GATA4: variants seen among roughly 807,000 people sequenced by gnomAD.
The protein encoded by GATA4 is transcription factor GATA-4.
In GATA4, 7 loss-of-function variants were observed where a neutral mutation model predicts 37.9. That is an observed-to-expected ratio of 0.18 (90% CI 0.11 to 0.35). The LOEUF (loss-of-function observed/expected upper bound fraction) is 0.35, where lower values mean the gene tolerates loss of function less well. GATA4 is among the 10% of genes least tolerant of loss of function. The pLI, the probability that GATA4 is intolerant of heterozygous loss-of-function variation, is 1.00. For missense variants in GATA4, 647 were observed against 653.0 expected, an observed-to-expected ratio of 0.99 and a Z score of 0.10; for synonymous variants, 372 against 292.6, an observed-to-expected ratio of 1.27 and a Z score of -2.77.
intron 1 of GATA4, among the ~76,000 whole-genome samples, chr8:11,684,285 G>C (rs1799070173): frequency 6.6e-6 from 1 of 152,228 alleles, no homozygotes; most frequent in African/African-American, 2.4e-5. Context: ...CTAGATTCTA[G>C]ATTCTAGTTC....
At chr8:11,689,090 C>G (rs1388600231), upstream of GATA4, among the ~76,000 whole-genome samples, 2 of 152,172 alleles carry the variant, frequency 1.3e-5, no homozygotes, top group African/African-American at 4.8e-5. Flanking sequence ...CGACTTTGCT[C>G]TTAGCTGCCC....
chr8:11,696,476 T>C (rs1484121766), intron 1 of GATA4, among the ~76,000 whole-genome samples: 1 of 152,254 alleles, frequency 6.6e-6, no homozygotes, highest in African/African-American at 2.4e-5. Context: ...TAGTATTCCA[T>C]TGTATGGATG....
In GATA4 at chr8:11,707,942, C is replaced by A. The variant is rs1243115546; in HGVS notation, c.-371C>A. ...GTGTCCTGGAGGCCTCTCGGTGTGA[C>A]GAGTGGGGGACCCGAAGGCTCGTGC... On this transcript the variant is annotated 5_prime_UTR_variant, in exon 2 of 7. Coordinates refer to ENST00000532059, the MANE Select transcript of GATA4 (RefSeq NM_001308093.3). The surrounding 1 kb of genome is among the most constrained non-coding windows in gnomAD (Gnocchi z 4.7). 3.0e-6 allele frequency: 1 copy of A among 328,366 alleles called. No individual in the cohort carries two copies. The highest frequency in any genetic ancestry group is 4.5e-5 in the Admixed American group (1 of 22,348). The allele number at this position is 328,366 out of a possible 1,614,324, so 20.3% of individuals were successfully genotyped here.
At chr8:11,680,686 C>G in intron 1 of GATA4, 1 of 985,334 alleles carries the variant, frequency 1.0e-6, no homozygotes, top group Non-Finnish European at 1.2e-6. Context: ...AGACCCCCCC[C>G]TTGGGGAGAC....
Position 11,758,383 on chromosome 8 carries a change from C to A in GATA4, c.1240C>A (p.Pro414Thr), listed in dbSNP as rs1217555878. The change falls in exon 7 of 7, where the codon CCC becomes ACC. Residue 414 changes from proline (P) to threonine (T), a missense_variant. Transcript: ENST00000532059. ...GCTCTCCCCACAAGGCTATGCGTCTCCCGTCAGCCAGTCTCCACAGACCAG... is the reference window on the plus strand; with the variant it reads ...GCTCTCCCCACAAGGCTATGCGTCTACCGTCAGCCAGTCTCCACAGACCAG... ...LKLSPQGYAS[P>T]VSQSPQTSSK... The A allele has an allele frequency of 1.9e-6, 3 of 1,614,224 alleles. No individual in the cohort carries two copies. The East Asian group carries it at 6.7e-5, about 36-fold the overall frequency.
chr8:11,692,651 T>A, exon 1 of GATA4: 1 of 983,728 alleles, frequency 1.0e-6, no homozygotes, highest in Non-Finnish European at 1.2e-6. Context: ...TCAGCCGACC[T>A]CCACCGCGGG....
Position 11,708,709 on chromosome 8 carries a change from A to G in GATA4, c.397A>G (p.Ser133Gly). 7.9e-7 allele frequency: 1 copy of G among 1,272,984 alleles called. No homozygotes were observed. The highest frequency in any genetic ancestry group is 9.8e-7 in the Non-Finnish European group (1 of 1,016,498). The allele number at this position is 1,272,984 out of a possible 1,614,324, so 78.9% of individuals were successfully genotyped here. Reference protein sequence around the residue: ...AAAAREAAAYSSGGGAAGAGL... With the variant: ...AAAAREAAAYGSGGGAAGAGL... Reference sequence around the variant, plus strand: ...CGCGGCCCGGGAAGCTGCGGCCTACAGCAGTGGCGGCGGAGCGGCGGGTGC... The same window carrying G: ...CGCGGCCCGGGAAGCTGCGGCCTACGGCAGTGGCGGCGGAGCGGCGGGTGC... Residue 133 changes from serine to glycine, a missense_variant, in exon 2 of 7, where the codon AGC (serine) becomes GGC (glycine). Around this residue, in one of 5 missense-constraint regions of GATA4, gnomAD observed 379 missense variants for 334.5 expected, o/e 1.13. Transcript: ENST00000532059. The surrounding 1 kb of genome is among the most constrained non-coding windows in gnomAD (Gnocchi z 6.7).
At chr8:11,728,800 T>G (rs1801065805) in intron 2 of GATA4, among the ~76,000 whole-genome samples, 1 of 152,224 alleles carries the variant, frequency 6.6e-6, no homozygotes, top group African/African-American at 2.4e-5. Context: ...GAATTTGCCT[T>G]CCTTCTCAGT....
intron 2 of GATA4, among the ~76,000 whole-genome samples, chr8:11,734,254 A>T (rs1801342163): frequency 6.6e-6 from 1 of 152,250 alleles, no homozygotes; most frequent in Non-Finnish European, 1.5e-5. Flanking sequence ...AACTGAAAAC[A>T]ATCTGAATAT....
At chr8:11,710,849 C>T (rs1800150533) in intron 2 of GATA4, among the ~76,000 whole-genome samples, 1 of 152,178 alleles carries the variant, frequency 6.6e-6, no homozygotes, top group African/African-American at 2.4e-5. Flanking sequence ...CCGCCGGGCG[C>T]GGTGTCTCAC....
chr8:11,699,727 C>T (rs538580110), upstream of GATA4, among the ~76,000 whole-genome samples: 13 of 152,376 alleles, frequency 8.5e-5, no homozygotes, highest in South Asian at 2.3e-3. Flanking sequence ...TGAAGAGCCC[C>T]TCCCTATTCA....
intron 2 of GATA4, among the ~76,000 whole-genome samples, chr8:11,727,341 G>A (rs1800975064): frequency 6.6e-6 from 1 of 152,150 alleles, no homozygotes; most frequent in African/African-American, 2.4e-5. Context: ...GAATGGACCC[G>A]CCTGCTGGGA....
chr8:11,677,953 C>G (rs1224326151), intron 1 of GATA4, among the ~76,000 whole-genome samples: 1 of 151,346 alleles, frequency 6.6e-6, no homozygotes. Flanking sequence ...TCCTACAAAG[C>G]CAAAGTCTGG....
intron 5 of GATA4, among the ~76,000 whole-genome samples, chr8:11,755,749 C>G (rs1802526954): frequency 6.6e-6 from 1 of 151,494 alleles, no homozygotes; most frequent in African/African-American, 2.4e-5. Context: ...GAATTAAAAC[C>G]CAAGTTTTTC....
rs1485452161 is a variant in GATA4, at chr8:11,680,649, C to T, written c.-274+3586C>T. 1.5e-5 allele frequency: 15 copies of T among 985,362 alleles called. No homozygotes were observed. The Admixed American group carries it at 1.8e-4, about 12-fold the overall frequency. 61.0% of individuals were successfully genotyped at this position (985,362 alleles called of 1,614,324 possible). A position where few individuals can be genotyped will look rare whatever the true frequency, so the allele number is the denominator to read the frequency against. ...TTGCCACGCCTGGCGCTGCTGGGAA[C>T]GTGTCTCGGGTCGCCCTTTGCGTCA... On this transcript the variant is annotated intron_variant, in intron 1 of 6. Coordinates refer to the GATA4 transcript ENST00000528712.
At chr8:11,738,128 C>T (rs1801547236) in intron 2 of GATA4, among the ~76,000 whole-genome samples, 1 of 150,128 alleles carries the variant, frequency 6.7e-6, no homozygotes, top group South Asian at 2.1e-4. Context: ...TTGCAGTGAG[C>T]CAAGATCATG....
chr8:11,729,061 C>T (rs553160919), intron 2 of GATA4, among the ~76,000 whole-genome samples: 1 of 152,052 alleles, frequency 6.6e-6, no homozygotes, highest in African/African-American at 2.4e-5. Flanking sequence ...GGTGAAACCC[C>T]TTCTCTACTA....
intron 1 of GATA4, chr8:11,680,391 CCA>C (rs1798918983): frequency 1.3e-6 from 1 of 785,522 alleles, no homozygotes. Flanking sequence ...GGATTCATTG[CCA>C]CTTTCCCGCC....
At chr8:11,742,888 G>T (rs1224350790) in intron 2 of GATA4, among the ~76,000 whole-genome samples, 1 of 152,268 alleles carries the variant, frequency 6.6e-6, no homozygotes, top group Non-Finnish European at 1.5e-5. Context: ...GGACATTTGG[G>T]TGGGGCTGAG....
Sources: gnomAD v4.1 joint callset for allele counts (sites outside exome capture counted in the v4.1 genomes callset) on GRCh38, gnomAD v4.1.1 for gene constraint, gnomAD v4.1.1 regional missense constraint, Gnocchi (gnomAD v3.1) non-coding constraint, MANE v1.5 for transcripts, NCBI Gene and HGNC (gene_info 2026-07-23, HGNC 2026-07-21) for gene names.